The following CFHR4 variants were observed in gnomAD, a reference collection of about 807,000 sequenced individuals.
The protein encoded by CFHR4 is complement factor H related 4.
In CFHR4, 64 loss-of-function variants were observed where a neutral mutation model predicts 69.3. That is an observed-to-expected ratio of 0.92 (90% CI 0.76 to 1.14). CFHR4 has a LOEUF of 1.14. Among genes scored for constraint, CFHR4 ranks in the 50% most tolerant of loss-of-function variants. CFHR4 has a pLI of 0.00. For missense variants in CFHR4, 636 were observed against 684.9 expected (o/e 0.93, Z 0.80); for synonymous variants, 244 against 237.0 (o/e 1.03, Z -0.27).
At chr1:196,899,305 T>C (rs1248731180) in intron 1 of CFHR4, among the ~76,000 whole-genome samples, 1 of 151,530 alleles carries the variant, frequency 6.6e-6, no homozygotes, top group African/African-American at 2.4e-5. Flanking sequence ...TTCTTTCCTC[T>C]TCTTTTTAAA....
At chr1:196,888,626 A>G (rs147484649) in intron 1 of CFHR4, among the ~76,000 whole-genome samples, 2 of 151,212 alleles carry the variant, frequency 1.3e-5, no homozygotes, top group Non-Finnish European at 3.0e-5. Flanking sequence ...ATTGATTCAT[A>G]TATCAAAACA....
Position 196,905,199 on chromosome 1 carries a change from T to A in CFHR4, c.348T>A (p.Asn116Lys), listed in dbSNP as rs193093149. ...IYILNEETQY[N>K]CKPGYATAEG... ...TTTTAAATGAAGAAACACAATATAA[T>A]TGTAAACCAGGATATGCAACAGCAG... The change falls in exon 3 of 10, where the codon AAT becomes AAA. Residue 116 changes from asparagine to lysine, a missense_variant. Coordinates refer to ENST00000608469, the MANE Select transcript of CFHR4 (RefSeq NM_001201550.3). The A allele has an allele frequency of 1.2e-3, 2,010 of 1,611,112 alleles. 81 individuals are homozygous for A. In the African/African-American group the frequency reaches 0.024, roughly 19 times the overall value.
Position 196,908,043 on chromosome 1 carries a change from C to T in CFHR4, c.799+545C>T, listed in dbSNP as rs549775004. ...GGAAGCTGGAAACCATCCTTCTCAG[C>T]AAACTATCACAAGAACAGAAAACCT... On this transcript the variant is annotated intron_variant, in intron 5 of 9. Transcript: ENST00000608469. Among the ~76,000 whole-genome samples, 3 of 151,394 alleles carry T rather than the reference C, an allele frequency of 2.0e-5. No homozygotes were observed. In the East Asian group the frequency reaches 5.8e-4, roughly 29 times the overall value.
rs1044470598 is a variant in CFHR4, at chr1:196,895,114, T to A, written c.58+6906T>A. Among the ~76,000 whole-genome samples the A allele has an allele frequency of 4.6e-5, 7 of 151,146 alleles. 1 individual carries two copies. The highest frequency in any genetic ancestry group is 1.5e-4 in the African/African-American group (6 of 40,896). On this transcript the variant is annotated intron_variant, in intron 1 of 9. Transcript: ENST00000608469. The stretch of plus-strand genomic sequence containing the variant: ...CTGATATAGTAGAGCATGCCTGTAG[T>A]CCTTACAATTCAAGAGACTGAGGCA...
At chr1:196,892,852 T>G (rs947950769) in intron 1 of CFHR4, among the ~76,000 whole-genome samples, 4 of 151,508 alleles carry the variant, frequency 2.6e-5, no homozygotes, top group African/African-American at 9.7e-5. Flanking sequence ...ATTTACCTAG[T>G]GGAAACAACA....
intron 1 of CFHR4, among the ~76,000 whole-genome samples, chr1:196,892,122 T>C (rs896904760): frequency 2.6e-5 from 4 of 151,582 alleles, no homozygotes; most frequent in Non-Finnish European, 5.9e-5. Context: ...TGAGTTTAAA[T>C]TAACGCTGAT....
rs574160634 is a variant in CFHR4 at position 196,915,356 on chromosome 1, G to A, written c.1540+218G>A. Reference sequence around the variant, plus strand: ...GTTTCTTTTTTAAAACAGGAATGTCGGCCTGGGGTGGTGGCTCACGCCTGT... The same window carrying A: ...GTTTCTTTTTTAAAACAGGAATGTCAGCCTGGGGTGGTGGCTCACGCCTGT... On this transcript the variant is annotated intron_variant, in intron 9 of 9. Coordinates refer to ENST00000608469, the MANE Select transcript of CFHR4 (RefSeq NM_001201550.3). Among the ~76,000 whole-genome samples the A allele has an allele frequency of 1.3e-4, 20 of 151,274 alleles. 1 individual carries two copies. The highest frequency in any genetic ancestry group is 4.1e-4 in the African/African-American group (17 of 41,038).
intron 1 of CFHR4, 146 bp from the exon 2 acceptor site, chr1:196,902,272 C>A (rs1657655984): frequency 1.6e-6 from 1 of 615,372 alleles, no homozygotes; most frequent in African/African-American, 1.9e-5. Context: ...ATATCTAGGT[C>A]ATTGGATTTC....
Position 196,898,481 on chromosome 1 carries a change from T to C in CFHR4, c.59-3937T>C, listed in dbSNP as rs918423422. On this transcript the variant is annotated intron_variant, in intron 1 of 9. Coordinates refer to ENST00000608469, the MANE Select transcript of CFHR4 (RefSeq NM_001201550.3). ...AGAATTTAAAACAATTATTGTAAACTAAAATTCTCTTTAATGTTTGCTACT... is the reference window on the plus strand; with the variant it reads ...AGAATTTAAAACAATTATTGTAAACCAAAATTCTCTTTAATGTTTGCTACT... 1.6e-4 allele frequency among the ~76,000 whole-genome samples: 25 copies of C among 151,666 alleles called. 2 individuals are homozygous for C. The highest frequency in any genetic ancestry group is 5.8e-4 in the African/African-American group (24 of 41,156).
rs12744282 is a variant in CFHR4, at chr1:196,918,276, T to G, written c.1607T>G (p.Ile536Arg). 116 of 1,608,412 alleles carry G rather than the reference T, an allele frequency of 7.2e-5. No individual in the cohort carries two copies. The East Asian group carries it at 9.0e-4, about 12-fold the overall frequency. Residue 536 changes from isoleucine (I) to arginine (R), a missense_variant, in exon 10 of 10, where the codon ATA becomes AGA. Physicochemically the swap from Ile to Arg is moderately conservative, Grantham distance 97. This residue lies in a region of CFHR4 where 85 missense variants were observed against 79.0 expected (regional missense o/e 1.08). Transcript: ENST00000608469. ...NNIQLKGKSD[I>R]KYYAKTGDTI... Reference sequence around the variant, plus strand: ...ATACAGTTAAAAGGAAAAAGTGACATAAAATATTATGCAAAAACAGGGGAT... The same window carrying G: ...ATACAGTTAAAAGGAAAAAGTGACAGAAAATATTATGCAAAAACAGGGGAT...
rs752178615 is a variant in CFHR4, at chr1:196,888,128, C to T, written c.-23C>T. ...CAGTGCAACTGAAACTTTTGCATTACTATACTACTGAGAATATCTAACATG... is the reference window on the plus strand; with the variant it reads ...CAGTGCAACTGAAACTTTTGCATTATTATACTACTGAGAATATCTAACATG... On this transcript the variant is annotated 5_prime_UTR_variant, in exon 1 of 10. Transcript: ENST00000608469. The T allele has an allele frequency of 1.2e-6, 2 of 1,607,716 alleles. No individual in the cohort carries two copies. Among genetic ancestry groups the T allele is most frequent in the Non-Finnish European group, 1.7e-6 (2 of 1,175,966 alleles).
Position 196,907,005 on chromosome 1 carries a change from A to G in CFHR4, c.584A>G (p.Glu195Gly). 1 of 1,611,934 alleles carries G rather than the reference A, an allele frequency of 6.2e-7. No individual in the cohort carries two copies. The highest frequency in any genetic ancestry group is 8.5e-7 in the Non-Finnish European group (1 of 1,179,290). ...GNTTDSIVCG[E>G]DGWSHLPTCY... ...ACCACAGATTCCATAGTGTGTGGTG[A>G]AGATGGCTGGTCCCATTTGCCAACA... is the stretch of plus-strand genomic sequence containing the variant. The change falls in exon 4 of 10, where the codon GAA becomes GGA. Residue 195 changes from glutamate to glycine, a missense_variant. Around this residue, in one of 3 missense-constraint regions of CFHR4, gnomAD observed 529 missense variants for 533.2 expected, o/e 0.99. Coordinates refer to ENST00000608469, the MANE Select transcript of CFHR4 (RefSeq NM_001201550.3).
intron 1 of CFHR4, among the ~76,000 whole-genome samples, chr1:196,899,084 A>G (rs993837904): frequency 6.6e-6 from 1 of 151,658 alleles, no homozygotes; most frequent in Non-Finnish European, 1.5e-5. Context: ...TATTTTGAGG[A>G]AGGAGTATTG....
chr1:196,904,211 A>C lies in CFHR4; in HGVS notation c.257-897A>C, dbSNP rs535500178. On this transcript the variant is annotated intron_variant, in intron 2 of 9. Transcript: ENST00000608469. The stretch of plus-strand genomic sequence containing the variant: ...TGTCAAGTGCCTTTATAGGTATCGA[A>C]AATAAAATTGTTTACGAGAGAAACT... Among the ~76,000 whole-genome samples the C allele has an allele frequency of 2.0e-5, 3 of 151,736 alleles. No individual in the cohort carries two copies. The South Asian group carries it at 6.2e-4, about 31-fold the overall frequency.
Position 196,904,449 on chromosome 1 carries a change from C to T in CFHR4, c.257-659C>T, listed in dbSNP as rs142256648. On this transcript the variant is annotated intron_variant, in intron 2 of 9. Transcript: ENST00000608469. ...CACATTATTAATAAGTTAGAACATA[C>T]GCATTACTAAAATAATTACTACCTT... is the stretch of plus-strand genomic sequence containing the variant. 1.8e-3 allele frequency among the ~76,000 whole-genome samples: 278 copies of T among 151,410 alleles called. 9 individuals carry two copies. Among genetic ancestry groups the T allele is most frequent in the African/African-American group, 6.2e-3 (254 of 41,134 alleles).
chr1:196,892,848 C>A (rs2124934869), intron 1 of CFHR4, among the ~76,000 whole-genome samples: 1 of 151,284 alleles, frequency 6.6e-6, no homozygotes, highest in South Asian at 2.1e-4. Flanking sequence ...GCAGATTTAC[C>A]TAGTGGAAAC....
Position 196,918,400 on chromosome 1 carries a change from C to T in CFHR4, c.1731C>T (p.Cys577=), listed in dbSNP as rs760031130. The stretch of plus-strand genomic sequence containing the variant: ...AAGGCATAGTGGAATACCCCAGATG[C>T]GAATAAGGCAGCATTGTTACCCTAA... ...CREGIVEYPR[C]E Residue 577 remains cysteine, a synonymous_variant, in exon 10 of 10, where the codon TGC becomes TGT. Transcript: ENST00000608469. 4.3e-6 allele frequency: 7 copies of T among 1,610,530 alleles called. 1 individual carries two copies. The highest frequency in any genetic ancestry group is 1.3e-5 in the African/African-American group (1 of 74,284).
intron 3 of CFHR4, 118 bp from the exon 4 acceptor site, chr1:196,906,743 G>A (rs1428951735): frequency 6.8e-6 from 7 of 1,032,184 alleles, no homozygotes; most frequent in Admixed American, 6.7e-5. Context: ...ATTTTTAATA[G>A]TACTCAATTT....
intron 1 of CFHR4, among the ~76,000 whole-genome samples, chr1:196,891,088 T>C (rs1458305294): frequency 6.6e-6 from 1 of 151,118 alleles, no homozygotes; most frequent in Non-Finnish European, 1.5e-5. Context: ...CTGTCTCTAC[T>C]AAAAATTCAA....
Sources: gnomAD v4.1 joint callset for allele counts (sites outside exome capture counted in the v4.1 genomes callset) on GRCh38, gnomAD v4.1.1 for gene constraint, gnomAD v4.1.1 regional missense constraint, MANE v1.5 for transcripts, NCBI Gene and HGNC (gene_info 2026-07-23, HGNC 2026-07-21) for gene names.